The following ARHGAP10 variants were observed in gnomAD, a reference collection of about 807,000 sequenced individuals.
ARHGAP10 encodes the protein rho GTPase-activating protein 10.
Under a neutral mutation model 108.6 loss-of-function variants are expected in ARHGAP10, and 87 were observed. The observed-to-expected ratio is 0.80, with a 90% CI of 0.67 to 0.96. ARHGAP10 has a LOEUF of 0.96. Among genes scored for constraint, ARHGAP10 ranks in the 40% least tolerant of loss-of-function variants. The pLI is 0.00. For missense variants in ARHGAP10, 939 were observed against 954.5 expected, an observed-to-expected ratio of 0.98 and a Z score of 0.21; for synonymous variants, 347 against 341.1, an observed-to-expected ratio of 1.02 and a Z score of -0.19.
intron 19 of ARHGAP10, among the ~76,000 whole-genome samples, chr4:148,043,776 GTATATATATA>G (rs1183092089): frequency 1.4e-5 from 2 of 143,690 alleles, no homozygotes; most frequent in Non-Finnish European, 3.0e-5. Context: ...GTATATATAT[GTATATATATA>G]TGTATATATA....
intron 10 of ARHGAP10, among the ~76,000 whole-genome samples, chr4:147,885,267 C>G (rs941735150): frequency 2.0e-5 from 3 of 152,156 alleles, no homozygotes; most frequent in Non-Finnish European, 4.4e-5. Context: ...GTTTAATGGA[C>G]TCACAGTTCC....
chr4:147,877,914 TA>T (rs1735141680), intron 8 of ARHGAP10, among the ~76,000 whole-genome samples: 1 of 151,746 alleles, frequency 6.6e-6, no homozygotes, highest in Non-Finnish European at 1.5e-5. Flanking sequence ...CTGATTACAG[TA>T]ATGTTAAGCC....
At chr4:147,820,322 C>G (rs116092804) in intron 1 of ARHGAP10, among the ~76,000 whole-genome samples, 8,471 of 152,196 alleles carry the variant, frequency 0.056, 822 homozygotes, top group African/African-American at 0.19. Flanking sequence ...GTCTCATTCT[C>G]TAACCCAGGC....
intron 3 of ARHGAP10, among the ~76,000 whole-genome samples, chr4:147,825,311 G>A (rs1283972694): frequency 6.6e-6 from 1 of 152,072 alleles, no homozygotes; most frequent in African/African-American, 2.4e-5. Context: ...TTAGCTGGGT[G>A]TTGTGGGCAC....
chr4:147,775,862 T>G (rs1300203970), intron 1 of ARHGAP10, among the ~76,000 whole-genome samples: 3 of 152,182 alleles, frequency 2.0e-5, no homozygotes, highest in Non-Finnish European at 2.9e-5. Flanking sequence ...GCTTACTATA[T>G]ACCAGATATT....
At chr4:147,988,102 G>A (rs1482072747) in intron 18 of ARHGAP10, among the ~76,000 whole-genome samples, 2 of 152,116 alleles carry the variant, frequency 1.3e-5, no homozygotes, top group Non-Finnish European at 1.5e-5. Context: ...CTTACTGCAG[G>A]TGTCTCCTGC....
intron 10 of ARHGAP10, among the ~76,000 whole-genome samples, chr4:147,895,512 C>CAAAAA (rs70958593): frequency 4.7e-5 from 4 of 85,286 alleles, no homozygotes; most frequent in African/African-American, 1.5e-4. Context: ...GACCCTGTCT[C>CAAAAA]AAAAAAAAAA....
chr4:147,798,560 A>G (rs557882041), intron 1 of ARHGAP10, among the ~76,000 whole-genome samples: 68 of 152,006 alleles, frequency 4.5e-4, no homozygotes, highest in Non-Finnish European at 7.5e-4. Context: ...TGGGTGGATC[A>G]CTTGAGTCCA....
intron 3 of ARHGAP10, among the ~76,000 whole-genome samples, chr4:147,824,028 C>A (rs1178798150): frequency 6.6e-6 from 1 of 151,910 alleles, no homozygotes; most frequent in Non-Finnish European, 1.5e-5. Context: ...TAAAAAAAAA[C>A]ACAGATTCAG....
chr4:147,966,876 G>A (rs769678782), intron 18 of ARHGAP10, 37 bp downstream of exon 18: 6 of 1,506,948 alleles, frequency 4.0e-6, no homozygotes, highest in Admixed American at 3.7e-5. Flanking sequence ...CTTTGTTTTC[G>A]GCTTGTCGCC....
At chr4:147,799,426 C>A (rs1731484771) in intron 1 of ARHGAP10, among the ~76,000 whole-genome samples, 1 of 152,068 alleles carries the variant, frequency 6.6e-6, no homozygotes, top group Non-Finnish European at 1.5e-5. Context: ...TCTTTTAGCC[C>A]TATTCTCTTT....
intron 10 of ARHGAP10, among the ~76,000 whole-genome samples, chr4:147,900,288 G>A (rs1736186857): frequency 2.0e-5 from 3 of 152,244 alleles, no homozygotes; most frequent in African/African-American, 7.2e-5. Context: ...GAATGAAAGA[G>A]GTTGAGATGC....
chr4:148,020,877 T>C (rs1310143450), intron 18 of ARHGAP10, among the ~76,000 whole-genome samples: 12 of 152,230 alleles, frequency 7.9e-5, no homozygotes. Context: ...AATCACCACA[T>C]TGTCTTCCAC....
chr4:147,830,188 C>T (rs941630101), intron 3 of ARHGAP10, among the ~76,000 whole-genome samples: 1 of 152,198 alleles, frequency 6.6e-6, no homozygotes, highest in African/African-American at 2.4e-5. Flanking sequence ...ACAGACTTTA[C>T]CCTTGTGAAA....
chr4:147,785,988 T>A (rs773525219), intron 1 of ARHGAP10, among the ~76,000 whole-genome samples: 5 of 152,186 alleles, frequency 3.3e-5, no homozygotes, highest in Non-Finnish European at 7.3e-5. Flanking sequence ...AACTTCTTTC[T>A]GATTTCGGGA....
intron 13 of ARHGAP10, 73 bp from the exon 14 acceptor site, chr4:147,939,752 T>G: frequency 7.6e-7 from 1 of 1,323,290 alleles, no homozygotes; most frequent in Non-Finnish European, 1.1e-6. Flanking sequence ...GCAAAGATTT[T>G]GAATGCAACT....
intron 1 of ARHGAP10, among the ~76,000 whole-genome samples, chr4:147,798,762 T>C (rs1423763023): frequency 6.0e-3 from 51 of 8,448 alleles, no homozygotes; most frequent in African/African-American, 6.7e-3. Context: ...TCTCTCTCTC[T>C]CTCTCTCTCT....
chr4:147,914,598 G>A (rs1219545424), intron 13 of ARHGAP10, among the ~76,000 whole-genome samples: 3 of 41,040 alleles, frequency 7.3e-5, no homozygotes, highest in African/African-American at 1.7e-4. Flanking sequence ...CAGCATTTTT[G>A]TACAAATGGA....
chr4:147,745,303 G>C (rs1289649995), intron 1 of ARHGAP10: 2 of 152,208 alleles, frequency 1.3e-5, no homozygotes, highest in Non-Finnish European at 2.9e-5. Flanking sequence ...TAAATTATTT[G>C]GCCTGCCATC....
Sources: allele counts gnomAD v4.1 joint callset (sites outside exome capture counted in the v4.1 genomes callset), GRCh38; gene constraint gnomAD v4.1.1; transcripts MANE v1.5; gene names NCBI Gene and HGNC (gene_info 2026-07-23, HGNC 2026-07-21).